Variants in NUP155 observed in about 807,000 individuals in gnomAD.
NUP155 encodes nuclear pore complex protein Nup155.
In NUP155, 71 loss-of-function variants were observed where a neutral mutation model predicts 180.4. The observed-to-expected ratio is 0.39, with a 90% confidence interval of 0.33 to 0.48. The LOEUF (loss-of-function observed/expected upper bound fraction) is 0.48, where lower values mean the gene tolerates loss of function less well. Ranked by LOEUF, NUP155 falls within the 20% of genes least tolerant of loss-of-function variation. NUP155 has a pLI of 0.91. For synonymous variants in NUP155, 582 were observed against 559.5 expected, an observed-to-expected ratio of 1.04 and a Z score of -0.57; for missense variants, 1,553 against 1,648.9, an observed-to-expected ratio of 0.94 and a Z score of 1.01.
chr5:37,318,886 G>C (rs1185643383), intron 20 of NUP155, among the ~76,000 whole-genome samples: 1 of 152,130 alleles, frequency 6.6e-6, no homozygotes, highest in East Asian at 1.9e-4. Flanking sequence ...AAAGGAAGGA[G>C]AATCATACAG....
In NUP155 at chr5:37,292,056, C is replaced by A. The variant is rs1742262166; in HGVS notation, c.4038-18G>T. ...ATCTTCTCCTACAACGAAAAAGACA[C>A]ATGATTAATTATACATTTACAAACA... On this transcript the variant is annotated intron_variant, in intron 34 of 34. Coordinates refer to ENST00000231498, the MANE Select transcript of NUP155 (RefSeq NM_153485.3). 2 of 1,613,464 alleles carry A rather than the reference C, an allele frequency of 1.2e-6. No homozygotes were observed. Among genetic ancestry groups the A allele is most frequent in the Non-Finnish European group, 8.5e-7 (1 of 1,179,434 alleles).
At chr5:37,358,346 G>T (rs952590861) in intron 3 of NUP155, among the ~76,000 whole-genome samples, 195 bp from the exon 4 acceptor site, 1 of 152,040 alleles carries the variant, frequency 6.6e-6, no homozygotes, top group East Asian at 1.9e-4. Flanking sequence ...CAGGCATGGG[G>T]GTGTGAGGCC....
chr5:37,316,939 G>C (rs1220980200), intron 21 of NUP155, among the ~76,000 whole-genome samples: 1 of 150,546 alleles, frequency 6.6e-6, no homozygotes, highest in Non-Finnish European at 1.5e-5. Context: ...GAGGTGGGCG[G>C]ATCATGAGGT....
At chr5:37,314,139 A>T in intron 22 of NUP155, 59 bp downstream of exon 22, 1 of 1,264,930 alleles carries the variant, frequency 7.9e-7, no homozygotes, top group Non-Finnish European at 1.1e-6. Flanking sequence ...CAAAATACTC[A>T]TCCAAAAAAT....
At position 37,290,369 on chromosome 5, in the gene NUP155, CGA is replaced by C. The variant is rs1365718379; in HGVS notation, c.*1529_*1530del. 1 of 151,718 alleles carries C rather than the reference CGA, an allele frequency of 6.6e-6. No individual in the cohort carries two copies. Among genetic ancestry groups the C allele is most frequent in the African/African-American group, 2.4e-5 (1 of 41,256 alleles). The allele number at this position is 151,718 out of a possible 1,614,324, so 9.4% of individuals were successfully genotyped here. A position where few individuals can be genotyped will look rare whatever the true frequency, so the allele number is the denominator to read the frequency against. On this transcript the variant is annotated 3_prime_UTR_variant, in exon 35 of 35. Transcript: ENST00000231498. Reference sequence around the variant, plus strand: ...GCGCACACCTGCAATCCCAGCTACTCGAGAGGCTGAGGCAGGCAAATTGCTTC... The same window carrying C: ...GCGCACACCTGCAATCCCAGCTACTCGAGGCTGAGGCAGGCAAATTGCTTC...
Position 37,327,562 on chromosome 5 carries a change from T to A in NUP155, c.2024+67A>T, listed in dbSNP as rs1259997773. On this transcript the variant is annotated intron_variant, in intron 18 of 34. Transcript: ENST00000231498. The stretch of plus-strand genomic sequence containing the variant: ...ATAAATGATGTCCCAAATTCAGAGT[T>A]AAAAATATTTAACTACTCAAGATGG... The A allele has an allele frequency of 2.5e-6, 4 of 1,571,268 alleles. No homozygotes were observed. The African/African-American group carries it at 5.4e-5, about 21-fold the overall frequency.
chr5:37,349,242 G>T lies in NUP155; in HGVS notation c.833C>A (p.Pro278His). The change falls in exon 8 of 35, where the codon CCT (proline) becomes CAT (histidine). Residue 278 changes from proline (P) to histidine (H), a missense_variant. Coordinates refer to ENST00000231498, the MANE Select transcript of NUP155 (RefSeq NM_153485.3). ...ATTATCAATTGCAATTTGAAGAATA[G>T]GATCTAAAAGTAAGACAAAAAAAAA... Reference protein sequence around the residue: ...LLQFTFSEDDPILQIAIDNSR... With the variant: ...LLQFTFSEDDHILQIAIDNSR... 1 of 815,344 alleles carries T rather than the reference G, an allele frequency of 1.2e-6. No individual in the cohort carries two copies. Among genetic ancestry groups the T allele is most frequent in the Non-Finnish European group, 1.9e-6 (1 of 529,162 alleles). The allele number at this position is 815,344 out of a possible 1,614,324, so 50.5% of individuals were successfully genotyped here. A position where few individuals can be genotyped will look rare whatever the true frequency, so the allele number is the denominator to read the frequency against.
At chr5:37,358,051 T>A (rs368453146) in intron 4 of NUP155, 30 bp downstream of exon 4, 2 of 1,487,374 alleles carry the variant, frequency 1.3e-6, no homozygotes, top group Non-Finnish European at 1.9e-6. Flanking sequence ...TATACAAACA[T>A]AATCTCTTCC....
At chr5:37,337,977 C>A in intron 11 of NUP155, 59 bp from the exon 12 acceptor site, 2 of 1,064,408 alleles carry the variant, frequency 1.9e-6, no homozygotes, top group South Asian at 1.3e-5. Context: ...CCTCAATAAC[C>A]TTAATAATTA....
chr5:37,329,053 G>T, intron 16 of NUP155, 137 bp downstream of exon 16: 1 of 682,862 alleles, frequency 1.5e-6, no homozygotes. Context: ...TTAAGAATCA[G>T]AATCTATAGA....
rs191396143 is a variant in NUP155, at chr5:37,304,669, A to G, written c.3162+70T>C. The G allele has an allele frequency of 1.4e-4, 158 of 1,090,646 alleles. No homozygotes were observed. The East Asian group carries it at 2.7e-3, about 19-fold the overall frequency. The allele number at this position is 1,090,646 out of a possible 1,614,324, so 67.6% of individuals were successfully genotyped here. A position where few individuals can be genotyped will look rare whatever the true frequency, so the allele number is the denominator to read the frequency against. On this transcript the variant is annotated intron_variant, in intron 27 of 34. Coordinates refer to ENST00000231498, the MANE Select transcript of NUP155 (RefSeq NM_153485.3). Reference sequence around the variant, plus strand: ...GAGAAACTGAATTTTTTACATCTATATATGTGCTTAAATCATTGAGTTATG... The same window carrying G: ...GAGAAACTGAATTTTTTACATCTATGTATGTGCTTAAATCATTGAGTTATG...
intron 3 of NUP155, 141 bp downstream of exon 3, chr5:37,363,747 G>C (rs2111717563): frequency 4.4e-6 from 3 of 675,848 alleles, no homozygotes; most frequent in Non-Finnish European, 8.2e-6. Context: ...AACATCTCCA[G>C]ATGACTGATA....
Position 37,323,978 on chromosome 5 carries a change from C to T in NUP155, c.2207+14G>A, listed in dbSNP as rs1744417916. On this transcript the variant is annotated intron_variant, in intron 20 of 34. Transcript: ENST00000231498. ...AAAGAAAAAGATGAATTAATAAACC[C>T]TATTTATTCTTACTTTGGATTTCCT... 2.1e-6 allele frequency: 3 copies of T among 1,446,234 alleles called. No homozygotes were observed. The highest frequency in any genetic ancestry group is 2.3e-5 in the East Asian group (1 of 44,042). 89.6% of individuals were successfully genotyped at this position (1,446,234 alleles called of 1,614,324 possible). A position where few individuals can be genotyped will look rare whatever the true frequency, so the allele number is the denominator to read the frequency against.
At chr5:37,309,477 A>C (rs1743390079) in intron 23 of NUP155, 2 of 528,286 alleles carry the variant, frequency 3.8e-6, no homozygotes, top group Non-Finnish European at 6.7e-6. Context: ...AAATATGTTA[A>C]GCAAGAGAAC....
chr5:37,321,671 T>G (rs943518232), intron 20 of NUP155, among the ~76,000 whole-genome samples: 2 of 151,752 alleles, frequency 1.3e-5, no homozygotes, highest in African/African-American at 4.9e-5. Flanking sequence ...GAGCTGAGAT[T>G]GCACCACTGC....
rs1346681019 is a variant in NUP155 at position 37,298,983 on chromosome 5, A to G, written c.3683-5T>C. On this transcript the variant is annotated splice_region_variant and splice_polypyrimidine_tract_variant and intron_variant, in intron 31 of 34. Coordinates refer to ENST00000231498, the MANE Select transcript of NUP155 (RefSeq NM_153485.3). ...ATGTCACACTGTCACTCAATTCTGTAACAAAAAGACATGTCATTTGAAACC... is the reference window on the plus strand; with the variant it reads ...ATGTCACACTGTCACTCAATTCTGTGACAAAAAGACATGTCATTTGAAACC... 2.0e-6 allele frequency: 3 copies of G among 1,530,984 alleles called. No homozygotes were observed. The highest frequency in any genetic ancestry group is 2.2e-5 in the South Asian group (2 of 89,380). The allele number at this position is 1,530,984 out of a possible 1,614,324, so 94.8% of individuals were successfully genotyped here.
At chr5:37,363,774 CA>C in intron 3 of NUP155, 113 bp downstream of exon 3, 2 of 741,558 alleles carry the variant, frequency 2.7e-6, no homozygotes, top group South Asian at 2.8e-5. Context: ...AGCACTGACC[CA>C]AAGGCTAGAT....
At chr5:37,323,900 T>G in intron 20 of NUP155, 92 bp downstream of exon 20, 1 of 878,442 alleles carries the variant, frequency 1.1e-6, no homozygotes, top group Non-Finnish European at 1.9e-6. Flanking sequence ...ACTGCACACT[T>G]TAAAAGGACC....
chr5:37,363,984 T>A lies in NUP155; in HGVS notation c.296A>T (p.His99Leu). 1 of 1,594,878 alleles carries A rather than the reference T, an allele frequency of 6.3e-7. No individual in the cohort carries two copies. The highest frequency in any genetic ancestry group is 1.7e-5 in the Admixed American group (1 of 59,984). The change falls in exon 3 of 35, where the codon CAT becomes CTT. Residue 99 changes from histidine to leucine, a missense_variant and splice_region_variant. By Grantham distance (99) the His-to-Leu change is moderately conservative (BLOSUM62 -3). Coordinates refer to ENST00000231498, the MANE Select transcript of NUP155 (RefSeq NM_153485.3). ...ACCCATCATGCAATTACACTGCATA[T>A]CTGAGGTAGTGTGGATGTAAGGCAG... ...LPPELVEQFG[H>L]MQCNCMMGVF... is the part of the protein sequence containing the mutation.
Sources: allele counts gnomAD v4.1 joint callset (sites outside exome capture counted in the v4.1 genomes callset), GRCh38; gene constraint gnomAD v4.1.1; transcripts MANE v1.5; gene names NCBI Gene and HGNC (gene_info 2026-07-23, HGNC 2026-07-21).